USP28: variants seen among roughly 807,000 people sequenced by gnomAD.
The protein encoded by USP28 is ubiquitin specific peptidase 28.
In USP28, 113 loss-of-function variants were observed where a neutral mutation model predicts 145.0. That is an observed-to-expected ratio of 0.78 (90% CI 0.67 to 0.91). USP28 has a LOEUF of 0.91. Ranked by LOEUF, USP28 falls within the 40% of genes least tolerant of loss-of-function variation. USP28 has a pLI of 0.00. For missense variants in USP28, 1,201 were observed against 1,289.6 expected (o/e 0.93, Z 1.05); for synonymous variants, 447 against 450.9 (o/e 0.99, Z 0.11).
At chr11:113,862,933 T>C (rs911950353) in intron 1 of USP28, among the ~76,000 whole-genome samples, 2 of 152,150 alleles carry the variant, frequency 1.3e-5, no homozygotes, top group East Asian at 1.9e-4. Context: ...GTTAAGATCA[T>C]ATTCAATGGT....
intron 1 of USP28, among the ~76,000 whole-genome samples, chr11:113,865,658 A>T (rs189134211): frequency 7.2e-5 from 11 of 152,312 alleles, no homozygotes; most frequent in Non-Finnish European, 1.6e-4. Context: ...GAAGAATCAC[A>T]CTGGACCCCT....
At chr11:113,799,735 A>G (rs528947903) in intron 24 of USP28, among the ~76,000 whole-genome samples, 1 of 152,364 alleles carries the variant, frequency 6.6e-6, no homozygotes, top group African/African-American at 2.4e-5. Flanking sequence ...AATGTTTACA[A>G]TATATCAGTG....
chr11:113,862,444 T>C (rs546870016), intron 1 of USP28, among the ~76,000 whole-genome samples: 6 of 152,266 alleles, frequency 3.9e-5, no homozygotes, highest in Admixed American at 2.0e-4. Context: ...TGATGAACAA[T>C]GGATAATCAC....
chr11:113,814,378 G>A (rs559484658), intron 14 of USP28, among the ~76,000 whole-genome samples: 3 of 152,144 alleles, frequency 2.0e-5, no homozygotes, highest in South Asian at 2.1e-4. Flanking sequence ...GACAGGAAGG[G>A]GGGTAAGGTT....
chr11:113,845,002 C>T (rs1408841396), intron 3 of USP28, among the ~76,000 whole-genome samples: 1 of 151,444 alleles, frequency 6.6e-6, no homozygotes, highest in Non-Finnish European at 1.5e-5. Flanking sequence ...AGCCCATAGT[C>T]CCAGGTACTT....
chr11:113,817,071 A>G (rs1178949555), intron 13 of USP28, among the ~76,000 whole-genome samples: 1 of 152,202 alleles, frequency 6.6e-6, no homozygotes, highest in African/African-American at 2.4e-5. Context: ...CAGGTAACAC[A>G]TATCAAATGT....
intron 1 of USP28, among the ~76,000 whole-genome samples, chr11:113,871,498 T>G (rs1285351965): frequency 6.6e-6 from 1 of 152,192 alleles, no homozygotes; most frequent in East Asian, 1.9e-4. Flanking sequence ...TCCCGGCTTC[T>G]ACGCACTACA....
intron 11 of USP28, among the ~76,000 whole-genome samples, chr11:113,824,531 C>T (rs1423171252): frequency 1.3e-5 from 2 of 150,390 alleles, no homozygotes; most frequent in Non-Finnish European, 3.0e-5. Flanking sequence ...GTTGGTCAGG[C>T]TGGTCTCAAA....
At chr11:113,844,333 C>T (rs576394172) in intron 3 of USP28, among the ~76,000 whole-genome samples, 8 of 151,876 alleles carry the variant, frequency 5.3e-5, no homozygotes, top group South Asian at 2.1e-4. Context: ...CTCCGCTACT[C>T]GGGAGGCTGG....
At chr11:113,858,147 T>A (rs1947269457) in intron 1 of USP28, among the ~76,000 whole-genome samples, 1 of 152,206 alleles carries the variant, frequency 6.6e-6, no homozygotes, top group South Asian at 2.1e-4. Flanking sequence ...GTTACAGGCG[T>A]GAGCCACTGC....
chr11:113,810,556 C>T (rs1169879308), intron 16 of USP28, among the ~76,000 whole-genome samples: 10 of 152,302 alleles, frequency 6.6e-5, no homozygotes, highest in South Asian at 6.2e-4. Context: ...TTCATTCCTT[C>T]GCAGCATAAA....
At chr11:113,845,404 C>T (rs1354075403) in intron 3 of USP28, among the ~76,000 whole-genome samples, 3 of 151,034 alleles carry the variant, frequency 2.0e-5, no homozygotes, top group Admixed American at 2.0e-4. Context: ...CCACTGCACT[C>T]CAACCTGGGC....
chr11:113,859,810 G>A (rs773933360), intron 1 of USP28, among the ~76,000 whole-genome samples: 1 of 152,164 alleles, frequency 6.6e-6, no homozygotes, highest in Non-Finnish European at 1.5e-5. Context: ...ACTTGCAAGA[G>A]CCAACAGGTT....
At chr11:113,800,884 C>T (rs1256917825) in intron 24 of USP28, among the ~76,000 whole-genome samples, 1 of 151,000 alleles carries the variant, frequency 6.6e-6, no homozygotes, top group Non-Finnish European at 1.5e-5. Context: ...ATTCCGTGGC[C>T]CAGGCTGGAT....
Position 113,830,949 on chromosome 11 carries a change from T to C in USP28, c.834-6A>G. ...CAGATTTGTTCCTGGGACTGCTGCT[T>C]TTAGGAAAAGGAGACAATTCTGGAT... On this transcript the variant is annotated splice_region_variant and splice_polypyrimidine_tract_variant and intron_variant, in intron 8 of 24. Coordinates refer to ENST00000003302, the Ensembl canonical transcript of USP28. The C allele has an allele frequency of 6.2e-7, 1 of 1,612,204 alleles. No individual in the cohort carries two copies. Among genetic ancestry groups the C allele is most frequent in the South Asian group, 1.1e-5 (1 of 91,064 alleles).
Position 113,856,093 on chromosome 11 carries a change from T to C in USP28, c.58-1758A>G, listed in dbSNP as rs138268640. On this transcript the variant is annotated intron_variant, in intron 1 of 24. Coordinates refer to ENST00000003302, the Ensembl canonical transcript of USP28. ...GGAGAGTGATTATCATACTAAAAGG[T>C]ATCCAGATTCAGCCTGAGCAAAAAC... 2.2e-3 allele frequency among the ~76,000 whole-genome samples: 333 copies of C among 152,314 alleles called. 2 individuals carry two copies. Among genetic ancestry groups the C allele is most frequent in the African/African-American group, 7.7e-3 (319 of 41,572 alleles).
chr11:113,822,612 TTG>T (rs1176773952), intron 12 of USP28, among the ~76,000 whole-genome samples: 5 of 152,184 alleles, frequency 3.3e-5, no homozygotes, highest in Non-Finnish European at 5.9e-5. Context: ...CTGCATCCAG[TTG>T]GTATGGTTGG....
chr11:113,822,206 CTT>C (rs1942707008), intron 12 of USP28, among the ~76,000 whole-genome samples: 1 of 152,100 alleles, frequency 6.6e-6, no homozygotes, highest in South Asian at 2.1e-4. Flanking sequence ...AATCCCAGGA[CTT>C]TGGGAGGCTG....
chr11:113,806,518 G>A lies in USP28; in HGVS notation c.2371C>T (p.Arg791Ter), dbSNP rs757241719. 6.2e-6 allele frequency: 10 copies of A among 1,610,668 alleles called. No individual in the cohort carries two copies. The highest frequency in any genetic ancestry group is 2.7e-5 in the African/African-American group (2 of 74,672). Residue 791 changes from arginine to a stop codon, truncating the protein, a stop_gained, in exon 19 of 25, where the codon CGA becomes TGA. Coordinates refer to ENST00000003302, the Ensembl canonical transcript of USP28. LOFTEE classifies it high-confidence loss of function. ...ATCAGCCCTGCTTCAGACCCATCTC[G>A]GTCAAAGGTCTGACGGGCTTTAGCT... is the stretch of plus-strand genomic sequence containing the variant.
Sources: allele counts gnomAD v4.1 joint callset (sites outside exome capture counted in the v4.1 genomes callset), GRCh38; gene constraint gnomAD v4.1.1; transcripts MANE v1.5; gene names NCBI Gene and HGNC (gene_info 2026-07-23, HGNC 2026-07-21).